Variants in ATM observed in about 807,000 individuals in gnomAD.
The protein encoded by ATM is ATM serine/threonine kinase, also known as serine-protein kinase ATM.
Under a neutral mutation model 387.0 loss-of-function variants are expected in ATM, and 308 were observed. That is an observed-to-expected ratio of 0.80 (90% CI 0.73 to 0.87). ATM has a LOEUF of 0.87. ATM is among the 40% of genes least tolerant of loss of function. The probability of loss-of-function intolerance (pLI) is 0.00; values close to 1 mark genes in which losing one functional copy is unlikely to be tolerated. For synonymous variants in ATM, 1,156 were observed against 1,187.3 expected, an observed-to-expected ratio of 0.97 and a Z score of 0.54; for missense variants, 3,312 against 3,560.9, an observed-to-expected ratio of 0.93 and a Z score of 1.78.
At chr11:108,270,490 A>G (rs1305097784) in intron 18 of ATM, among the ~76,000 whole-genome samples, 1 of 152,078 alleles carries the variant, frequency 6.6e-6, no homozygotes, top group Admixed American at 6.6e-5. Context: ...CAGGTAAGTG[A>G]TATATCTTCA....
intron 22 of ATM, among the ~76,000 whole-genome samples, chr11:108,279,213 T>G (rs1002923116): frequency 6.6e-6 from 1 of 152,212 alleles, no homozygotes; most frequent in African/African-American, 2.4e-5. Context: ...TAGTTTGAGT[T>G]CAGTGCTGTT....
intron 40 of ATM, among the ~76,000 whole-genome samples, chr11:108,313,824 C>T (rs769227991): frequency 6.6e-6 from 1 of 152,142 alleles, no homozygotes; most frequent in Non-Finnish European, 1.5e-5. Flanking sequence ...ACCATATAGG[C>T]AGTTCAATTG....
At chr11:108,273,497 A>C (rs929050820) in intron 22 of ATM, among the ~76,000 whole-genome samples, 3 of 151,560 alleles carry the variant, frequency 2.0e-5, no homozygotes, top group Non-Finnish European at 2.9e-5. Context: ...GCCTGCCACC[A>C]TGCCCAGCTA....
chr11:108,269,019 G>A (rs868196320), intron 18 of ATM, among the ~76,000 whole-genome samples: 6 of 152,030 alleles, frequency 3.9e-5, no homozygotes, highest in Admixed American at 1.3e-4. Flanking sequence ...TACAGTTAAC[G>A]TTTTACCATA....
At chr11:108,336,986 C>T (rs1018345942) in intron 56 of ATM, among the ~76,000 whole-genome samples, 2 of 152,160 alleles carry the variant, frequency 1.3e-5, no homozygotes, top group African/African-American at 4.8e-5. Flanking sequence ...GTAACAGGGA[C>T]TATGGGTGAC....
chr11:108,259,125 AT>A, intron 16 of ATM, 50 bp downstream of exon 16: 8 of 1,440,438 alleles, frequency 5.6e-6, no homozygotes, highest in East Asian at 2.3e-5. Flanking sequence ...AATAGGCATA[AT>A]TTTTTTGTTG....
intron 17 of ATM, among the ~76,000 whole-genome samples, chr11:108,267,923 C>T (rs76329319): frequency 6.6e-6 from 1 of 152,294 alleles, no homozygotes; most frequent in Non-Finnish European, 1.5e-5. Context: ...GAAAACACAC[C>T]TGTAATGCCA....
At chr11:108,247,284 A>G (rs2079902200) in intron 8 of ATM, among the ~76,000 whole-genome samples, 157 bp downstream of exon 8, 1 of 152,168 alleles carries the variant, frequency 6.6e-6, no homozygotes, top group Non-Finnish European at 1.5e-5. Flanking sequence ...AATATTTGGA[A>G]TTACCCTTTT....
chr11:108,349,655 T>G (rs966740829), intron 59 of ATM, among the ~76,000 whole-genome samples: 5 of 151,694 alleles, frequency 3.3e-5, no homozygotes, highest in African/African-American at 1.2e-4. Flanking sequence ...AGAGCAAGAC[T>G]GTCTCAAAAA....
intron 1 of ATM, 146 bp downstream of exon 1, chr11:108,223,332 G>A (rs1450457977): frequency 1.3e-5 from 2 of 152,932 alleles, no homozygotes; most frequent in Non-Finnish European, 2.9e-5. Flanking sequence ...CATCTTTCCT[G>A]GCCTCTCTCC....
intron 9 of ATM, among the ~76,000 whole-genome samples, chr11:108,249,592 A>G (rs4987939): frequency 3.3e-4 from 51 of 152,348 alleles, no homozygotes; most frequent in Middle Eastern, 6.8e-3. Flanking sequence ...CAAATAAATT[A>G]TGGATACTTT....
rs587782121 is a variant in ATM at position 108,250,801 on chromosome 11, C to A, written c.1336C>A (p.Gln446Lys). ...GATACTATCTCAGCTTCTACCCCAA[C>A]AGCGACATGGGGAACGTACACCATA... ...LMILSQLLPQQRHGERTPYVL... is the reference protein window; with the variant it reads ...LMILSQLLPQKRHGERTPYVL... Residue 446 changes from glutamine (Q) to lysine (K), a missense_variant, in exon 10 of 63, where the codon CAG (glutamine) becomes AAG (lysine). Gln to Lys is a moderately conservative substitution (Grantham distance 53). Transcript: ENST00000675843. The A allele has an allele frequency of 1.2e-6, 2 of 1,613,830 alleles. No individual in the cohort carries two copies. Among genetic ancestry groups the A allele is most frequent in the Middle Eastern group, 1.6e-4 (1 of 6,062 alleles).
rs1555085272 is a variant in ATM, at chr11:108,271,418, C to CT, written c.3077+13dup. 6.2e-7 allele frequency: 1 copy of CT among 1,613,766 alleles called. No individual in the cohort carries two copies. Among genetic ancestry groups the CT allele is most frequent in the African/African-American group, 1.3e-5 (1 of 74,908 alleles). On this transcript the variant is annotated intron_variant, in intron 20 of 62. Transcript: ENST00000675843. ...ATTGGAGCATTTTGGTAGGTACAGTCTATTTTGTGGTCCTATTTTTCTTTT... is the reference window on the plus strand; with the variant it reads ...ATTGGAGCATTTTGGTAGGTACAGTCTTATTTTGTGGTCCTATTTTTCTTTT...
chr11:108,277,454 G>A (rs1239510243), intron 22 of ATM, among the ~76,000 whole-genome samples: 1 of 152,150 alleles, frequency 6.6e-6, no homozygotes, highest in African/African-American at 2.4e-5. Context: ...CTGCCCAAAT[G>A]GCCGCCCAGC....
intron 39 of ATM, among the ~76,000 whole-genome samples, chr11:108,310,541 A>T (rs538567858): frequency 2.0e-5 from 3 of 152,198 alleles, no homozygotes; most frequent in Non-Finnish European, 4.4e-5. Context: ...AATTTAACAG[A>T]TAGCAAATTC....
At chr11:108,365,278 C>G (rs2137896771) in intron 62 of ATM, 47 bp from the exon 63 acceptor site, 1 of 1,614,052 alleles carries the variant, frequency 6.2e-7, no homozygotes. Context: ...ATTCCCAAGG[C>G]CTTTAAACTG....
chr11:108,317,509 G>T lies in ATM; in HGVS notation c.6335G>T (p.Cys2112Phe), dbSNP rs1591790360. Reference sequence around the variant, plus strand: ...TGGAGGAATATGCAGTGGGACCATTGCACTTCCGTCAGGTAAGAAATTTGA... The same window carrying T: ...TGGAGGAATATGCAGTGGGACCATTTCACTTCCGTCAGGTAAGAAATTTGA... The part of the protein sequence containing the change: ...AAWRNMQWDH[C>F]TSVSKEVEGT... The change falls in exon 43 of 63, where the codon TGC (cysteine) becomes TTC (phenylalanine). Residue 2112 changes from cysteine (C) to phenylalanine (F), a missense_variant. Around this residue, in one of 4 missense-constraint regions of ATM, gnomAD observed 1,405 missense variants for 1,604.4 expected, o/e 0.88. Coordinates refer to ENST00000675843, the MANE Select transcript of ATM (RefSeq NM_000051.4). 6.2e-7 allele frequency: 1 copy of T among 1,607,284 alleles called. No individual in the cohort carries two copies. The highest frequency in any genetic ancestry group is 1.4e-5 in the African/African-American group (1 of 73,418).
chr11:108,365,098 C>T lies in ATM; in HGVS notation c.8867C>T (p.Pro2956Leu), dbSNP rs1555151244. The change falls in exon 62 of 63, where the codon CCA becomes CTA. Residue 2956 changes from proline to leucine, a missense_variant. Coordinates refer to ENST00000675843, the MANE Select transcript of ATM (RefSeq NM_000051.4). The stretch of plus-strand genomic sequence containing the variant: ...TCTGTTTAGGTCCTTCTATATGATC[C>T]ACTCTTTGACTGGACCATGAATCCT... ...LTIVEVLLYD[P>L]LFDWTMNPLK... 1 of 1,614,044 alleles carries T rather than the reference C, an allele frequency of 6.2e-7. No individual in the cohort carries two copies. The highest frequency in any genetic ancestry group is 8.5e-7 in the Non-Finnish European group (1 of 1,179,972).
At chr11:108,313,506 CT>C (rs1447790890) in intron 40 of ATM, among the ~76,000 whole-genome samples, 1 of 152,178 alleles carries the variant, frequency 6.6e-6, no homozygotes, top group African/African-American at 2.4e-5. Flanking sequence ...TTCATTCTTC[CT>C]TTTCCTTAAT....
Sources: gnomAD v4.1 joint callset for allele counts (sites outside exome capture counted in the v4.1 genomes callset) on GRCh38, gnomAD v4.1.1 for gene constraint, gnomAD v4.1.1 regional missense constraint, MANE v1.5 for transcripts, NCBI Gene and HGNC (gene_info 2026-07-23, HGNC 2026-07-21) for gene names.